Variants in ZZEF1 observed in about 807,000 individuals in gnomAD.
ZZEF1 encodes zinc finger ZZ-type and EF-hand domain containing 1, also known as zinc finger ZZ-type and EF-hand domain-containing protein 1.
ZZEF1 carries 157 observed loss-of-function variants against 342.8 expected under a neutral mutation model. The ratio of observed to expected loss-of-function variants is 0.46; its 90% CI spans 0.40 to 0.52. The LOEUF is 0.52. Among genes scored for constraint, ZZEF1 ranks in the 20% least tolerant of loss-of-function variants. The probability of loss-of-function intolerance (pLI) is 0.00; values close to 1 mark genes in which losing one functional copy is unlikely to be tolerated. For synonymous variants in ZZEF1, 1,505 were observed against 1,429.1 expected, an observed-to-expected ratio of 1.05 and a Z score of -1.20; for missense variants, 3,480 against 3,725.6, an observed-to-expected ratio of 0.93 and a Z score of 1.72.
At chr17:4,066,297 A>G in intron 28 of ZZEF1, 150 bp downstream of exon 28, 1 of 656,088 alleles carries the variant, frequency 1.5e-6, no homozygotes, top group South Asian at 2.2e-5. Context: ...TTTATGATAC[A>G]TCCTTGGATA....
In ZZEF1 at chr17:4,067,211, T is replaced by C. The variant is rs1165172913; in HGVS notation, c.4107A>G (p.Glu1369=). 1.2e-6 allele frequency: 2 copies of C among 1,613,302 alleles called. No individual in the cohort carries two copies. The highest frequency in any genetic ancestry group is 2.7e-5 in the African/African-American group (2 of 74,886). The change falls in exon 27 of 55, where the codon GAA becomes GAG. Residue 1369 remains glutamate, a synonymous_variant. Transcript: ENST00000381638. ...CCAAGGAATAAACCTGGGCAAACTC[T>C]TCACTCAGGGCTATTTTGCCCCCAC... The part of the protein sequence containing the change: ...VNSGGKIALS[E]EFAQVYSLAD...
chr17:4,012,157 A>G (rs995632075), intron 52 of ZZEF1, among the ~76,000 whole-genome samples: 30 of 152,204 alleles, frequency 2.0e-4, no homozygotes, highest in African/African-American at 7.0e-4. Flanking sequence ...GAGACCATGG[A>G]GATGTTCCAT....
Position 4,034,201 on chromosome 17 carries a change from T to G in ZZEF1, c.6398A>C (p.Tyr2133Ser). ...ISNAGHLNET[Y>S]HLTLGLLGQL... ...GCCGAGAAGACCCAGGGTGAGATGG[T>G]AGGTTTCATTCAGGTGGCCTGCGTT... Residue 2133 changes from tyrosine to serine, a missense_variant, in exon 40 of 55, where the codon TAC becomes TCC. Tyr to Ser is a moderately radical substitution (Grantham distance 144, BLOSUM62 -2). Around this residue, in one of 5 missense-constraint regions of ZZEF1, gnomAD observed 1,269 missense variants for 1,342.4 expected, o/e 0.95. Transcript: ENST00000381638. 1 of 1,614,144 alleles carries G rather than the reference T, an allele frequency of 6.2e-7. No homozygotes were observed. The highest frequency in any genetic ancestry group is 8.5e-7 in the Non-Finnish European group (1 of 1,180,018).
At position 4,032,172 on chromosome 17, in the gene ZZEF1, C is replaced by G; in HGVS notation, c.6846G>C (p.Lys2282Asn). The G allele has an allele frequency of 1.9e-6, 3 of 1,613,970 alleles. No individual in the cohort carries two copies. Among genetic ancestry groups the G allele is most frequent in the Non-Finnish European group, 2.5e-6 (3 of 1,179,982 alleles). ...NVIILKHFTE[K>N]NRAVIVDVKT... The stretch of plus-strand genomic sequence containing the variant: ...TGACATCAACAATCACAGCCCTGTT[C>G]TTCTCAGTAAAGTGCTTCAAGATGA... The change falls in exon 42 of 55, where the codon AAG becomes AAC. Residue 2282 changes from lysine to asparagine, a missense_variant. This residue lies in a region of ZZEF1 where 1,269 missense variants were observed against 1,342.4 expected (regional missense o/e 0.95). Coordinates refer to ENST00000381638, the MANE Select transcript of ZZEF1 (RefSeq NM_015113.4).
chr17:4,112,547 C>T (rs1367209989), intron 5 of ZZEF1, 62 bp downstream of exon 5: 1 of 1,554,748 alleles, frequency 6.4e-7, no homozygotes, highest in Non-Finnish European at 8.8e-7. Context: ...AGCCTCTTCA[C>T]TTCAAAGTAA....
At chr17:4,034,356 T>A in intron 39 of ZZEF1, 64 bp from the exon 40 acceptor site, 2 of 1,552,368 alleles carry the variant, frequency 1.3e-6, no homozygotes, top group South Asian at 1.2e-5. Context: ...TGCTAAATAT[T>A]ATATCTCCCT....
At chr17:4,028,754 G>T (rs2056472921) in intron 42 of ZZEF1, among the ~76,000 whole-genome samples, 1 of 152,134 alleles carries the variant, frequency 6.6e-6, no homozygotes, top group African/African-American at 2.4e-5. Context: ...GAGTATTTTT[G>T]ATTTGAGTTT....
intron 6 of ZZEF1, 110 bp downstream of exon 6, chr17:4,109,543 G>C: frequency 1.3e-5 from 15 of 1,189,856 alleles, no homozygotes; most frequent in Non-Finnish European, 1.8e-5. Context: ...AGGCCGAGCT[G>C]ACTGAGCCAC....
chr17:4,133,295 A>G (rs2058698684), intron 1 of ZZEF1, among the ~76,000 whole-genome samples: 1 of 105,450 alleles, frequency 9.5e-6, no homozygotes, highest in African/African-American at 2.6e-5. Flanking sequence ...AGTACTATTA[A>G]CCTCCCCGTC....
chr17:4,132,890 T>C lies in ZZEF1; in HGVS notation c.355-8839A>G, dbSNP rs528495782. ...CTGAGGCAGGAGAATGGCATGAACCTGGGAGGTGGAGCTTGCAGTGAGCTG... is the reference window on the plus strand; with the variant it reads ...CTGAGGCAGGAGAATGGCATGAACCCGGGAGGTGGAGCTTGCAGTGAGCTG... On this transcript the variant is annotated intron_variant, in intron 1 of 54. Coordinates refer to ENST00000381638, the MANE Select transcript of ZZEF1 (RefSeq NM_015113.4). Among the ~76,000 whole-genome samples the C allele has an allele frequency of 4.3e-4, 65 of 151,996 alleles. 1 individual carries two copies. In the South Asian group the frequency reaches 4.8e-3, roughly 11 times the overall value.
rs1350188298 is a variant in ZZEF1, at chr17:4,010,740, A to AAAAAG, written c.8580-984_8580-983insCTTTT. Reference sequence around the variant, plus strand: ...ATTCCGTCTCAAAAAAAAAAAGAAAAAGAAAAAAGAAAAAAAGCAAGATGT... The same window carrying AAAAAG: ...ATTCCGTCTCAAAAAAAAAAAGAAAAAAAAGAGAAAAAAGAAAAAAAGCAAGATGT... On this transcript the variant is annotated intron_variant, in intron 52 of 54. Transcript: ENST00000381638. 7.4e-3 allele frequency among the ~76,000 whole-genome samples: 1,110 copies of AAAAAG among 149,332 alleles called. 28 individuals carry two copies. Among genetic ancestry groups the AAAAAG allele is most frequent in the African/African-American group, 0.026 (1,048 of 39,594 alleles).
intron 43 of ZZEF1, among the ~76,000 whole-genome samples, chr17:4,024,171 C>T (rs989314808): frequency 7.0e-6 from 1 of 142,572 alleles, no homozygotes; most frequent in Non-Finnish European, 1.5e-5. Flanking sequence ...CATCTCCATG[C>T]CAAATATTGC....
At chr17:4,024,886 G>C in intron 43 of ZZEF1, 33 bp downstream of exon 43, 1 of 1,602,082 alleles carries the variant, frequency 6.2e-7, no homozygotes, top group Non-Finnish European at 8.6e-7. Flanking sequence ...ATTATAGCCA[G>C]ATCCACTGCC....
At chr17:4,045,740 T>C (rs532407255) in intron 37 of ZZEF1, among the ~76,000 whole-genome samples, 1 of 152,278 alleles carries the variant, frequency 6.6e-6, no homozygotes, top group African/African-American at 2.4e-5. Flanking sequence ...AACCGGATGC[T>C]ACTCCTAAAC....
chr17:4,138,328 A>G (rs770437460), intron 1 of ZZEF1, among the ~76,000 whole-genome samples: 1 of 152,198 alleles, frequency 6.6e-6, no homozygotes, highest in Non-Finnish European at 1.5e-5. Context: ...TAGTTGATTA[A>G]TACTTTTCAC....
chr17:4,112,680 C>T lies in ZZEF1; in HGVS notation c.995G>A (p.Arg332Gln), dbSNP rs2058333252. The T allele has an allele frequency of 2.5e-6, 4 of 1,614,216 alleles. No homozygotes were observed. The highest frequency in any genetic ancestry group is 2.2e-5 in the East Asian group (1 of 44,886). The change falls in exon 5 of 55, where the codon CGA becomes CAA. Residue 332 changes from arginine to glutamine, a missense_variant. This residue lies in a region of ZZEF1 where 92 missense variants were observed against 130.3 expected (regional missense o/e 0.71). Transcript: ENST00000381638. ...GACATTGCTGGGGATGTGCACATCT[C>T]GGACTTCCTGAAGATCGCTGGCATT... ...GRNASDLQEVRDVHIPSNVTG... is the reference protein window; with the variant it reads ...GRNASDLQEVQDVHIPSNVTG...
At chr17:4,049,538 A>G (rs2056999726) in intron 37 of ZZEF1, among the ~76,000 whole-genome samples, 170 bp downstream of exon 37, 1 of 152,066 alleles carries the variant, frequency 6.6e-6, no homozygotes, top group Non-Finnish European at 1.5e-5. Flanking sequence ...AATAAAACAA[A>G]CACTGAAGAG....
chr17:4,018,109 CA>C (rs1257961810), intron 46 of ZZEF1, 138 bp from the exon 47 acceptor site: 7 of 1,131,224 alleles, frequency 6.2e-6, no homozygotes, highest in East Asian at 5.1e-5. Flanking sequence ...CGTGTTTTGC[CA>C]ACTGGATTCA....
intron 7 of ZZEF1, among the ~76,000 whole-genome samples, chr17:4,105,328 TG>T (rs2058193384): frequency 6.6e-6 from 1 of 152,204 alleles, no homozygotes. Flanking sequence ...GCTATCCAGG[TG>T]CCCTTTCCCA....
Sources: gnomAD v4.1 joint callset for allele counts (sites outside exome capture counted in the v4.1 genomes callset) on GRCh38, gnomAD v4.1.1 for gene constraint, gnomAD v4.1.1 regional missense constraint, MANE v1.5 for transcripts, NCBI Gene and HGNC (gene_info 2026-07-23, HGNC 2026-07-21) for gene names.